MYH9: variants seen among roughly 807,000 people sequenced by gnomAD.
MYH9 encodes myosin heavy chain 9, also known as myosin-9.
MYH9 carries 29 observed loss-of-function variants against 241.9 expected under a neutral mutation model. That is an observed-to-expected ratio of 0.12 (90% CI 0.09 to 0.16). The LOEUF (loss-of-function observed/expected upper bound fraction) is 0.16, where lower values mean the gene tolerates loss of function less well. Among genes scored for constraint, MYH9 ranks in the 10% least tolerant of loss-of-function variants. The probability of loss-of-function intolerance (pLI) is 1.00; values close to 1 mark genes in which losing one functional copy is unlikely to be tolerated. For synonymous variants in MYH9, 1,047 were observed against 1,062.6 expected, an observed-to-expected ratio of 0.99 and a Z score of 0.29; for missense variants, 1,803 against 2,595.5, an observed-to-expected ratio of 0.69 and a Z score of 6.63.
chr22:36,292,202 A>G lies in MYH9; in HGVS notation c.4128T>C (p.Ser1376=), dbSNP rs199506931. Residue 1376 remains serine, a synonymous_variant, in exon 31 of 41, where the codon AGT becomes AGC. Transcript: ENST00000216181. ...VADMKKKMED[S]VGCLETAEEV... is the part of the protein sequence containing the mutation. ...CCTCAGCAGTTTCCAGGCACCCCAC[A>G]CTGTCCTCCATCTTCTTTTTCATGT... 38 of 1,613,798 alleles carry G rather than the reference A, an allele frequency of 2.4e-5. 1 individual carries two copies. In the Admixed American group the frequency reaches 3.3e-4, roughly 14 times the overall value.
intron 12 of MYH9, among the ~76,000 whole-genome samples, chr22:36,316,091 G>A (rs2017146108): frequency 6.8e-6 from 1 of 147,402 alleles, no homozygotes; most frequent in Non-Finnish European, 1.5e-5. Context: ...AGGCTGGAGT[G>A]CAATGGCGTG....
At chr22:36,292,868 G>C (rs1279452576) in intron 30 of MYH9, among the ~76,000 whole-genome samples, 1 of 152,240 alleles carries the variant, frequency 6.6e-6, no homozygotes, top group Admixed American at 6.5e-5. Context: ...GAAAAATGCA[G>C]TTGTCACACA....
At chr22:36,286,382 C>T (rs932272871) in intron 35 of MYH9, among the ~76,000 whole-genome samples, 2 of 152,150 alleles carry the variant, frequency 1.3e-5, no homozygotes, top group Non-Finnish European at 2.9e-5. Context: ...ACCTGGGAAA[C>T]ACTTCAGGAC....
In MYH9 at chr22:36,312,303, T is replaced by C. The variant is rs141146532; in HGVS notation, c.1555-81A>G. On this transcript the variant is annotated intron_variant, in intron 13 of 40. Coordinates refer to ENST00000216181, the MANE Select transcript of MYH9 (RefSeq NM_002473.6). ...CCTTCAAGAAGCCAAAGCCCGGACA[T>C]CAGAATCCCCTGAATCCCACAGACG... 1.7e-5 allele frequency: 24 copies of C among 1,439,546 alleles called. No homozygotes were observed. The Admixed American group carries it at 2.3e-4, about 14-fold the overall frequency. 89.2% of individuals were successfully genotyped at this position (1,439,546 alleles called of 1,614,324 possible).
chr22:36,334,351 T>A (rs1297384062), intron 3 of MYH9, among the ~76,000 whole-genome samples: 1 of 152,200 alleles, frequency 6.6e-6, no homozygotes. Context: ...CCACAGCACC[T>A]GTCTGGTCCA....
chr22:36,284,054 A>C (rs1330269769), intron 40 of MYH9, 39 bp downstream of exon 40: 2 of 1,466,158 alleles, frequency 1.4e-6, no homozygotes, highest in African/African-American at 1.5e-5. Context: ...TTTTGAGAGA[A>C]GTGCCGAGGC....
Position 36,330,823 on chromosome 22 carries a change from C to T in MYH9, c.491-3335G>A, listed in dbSNP as rs1427796527. Among the ~76,000 whole-genome samples the T allele has an allele frequency of 1.3e-5, 2 of 151,956 alleles. No individual in the cohort carries two copies. Among genetic ancestry groups the T allele is most frequent in the East Asian group, 1.9e-4 (1 of 5,172 alleles). Reference sequence around the variant, plus strand: ...TTCCTTCCTCTAAACGGGAGGAGGCCGCCAGGGACAAGCCTCTTCTGGGAC... The same window carrying T: ...TTCCTTCCTCTAAACGGGAGGAGGCTGCCAGGGACAAGCCTCTTCTGGGAC... On this transcript the variant is annotated intron_variant, in intron 3 of 40. Transcript: ENST00000216181. This position sits in a 1 kb window ranked among gnomAD's most constrained non-coding sequence, Gnocchi z 4.5.
chr22:36,372,333 T>C (rs1290939118), intron 1 of MYH9, among the ~76,000 whole-genome samples: 1 of 151,518 alleles, frequency 6.6e-6, no homozygotes, highest in East Asian at 1.9e-4. Flanking sequence ...ACCAAAACAT[T>C]TTAAAATCAG....
intron 1 of MYH9, among the ~76,000 whole-genome samples, chr22:36,350,477 T>C (rs374717461): frequency 6.6e-6 from 1 of 152,252 alleles, no homozygotes; most frequent in South Asian, 2.1e-4. Flanking sequence ...GCGGGGGTTG[T>C]GGTGAGCCGA....
chr22:36,334,137 C>T (rs1267909828), intron 3 of MYH9, among the ~76,000 whole-genome samples: 4 of 152,066 alleles, frequency 2.6e-5, no homozygotes, highest in East Asian at 1.9e-4. Flanking sequence ...GAAAAGGGCC[C>T]GTTAACTGCA....
chr22:36,284,843 T>A (rs1267783453), intron 38 of MYH9, among the ~76,000 whole-genome samples: 1 of 152,138 alleles, frequency 6.6e-6, no homozygotes, highest in Non-Finnish European at 1.5e-5. Flanking sequence ...ACTGTCCTAG[T>A]GGGCAGGACC....
chr22:36,321,922 C>T (rs948824806), intron 6 of MYH9, 101 bp from the exon 7 acceptor site: 1 of 1,076,250 alleles, frequency 9.3e-7, no homozygotes, highest in Non-Finnish European at 1.4e-6. Flanking sequence ...CCGGTGGGCA[C>T]AGCTTGGAGG....
intron 14 of MYH9, among the ~76,000 whole-genome samples, chr22:36,310,218 C>T (rs990426880): frequency 6.7e-5 from 10 of 150,052 alleles, no homozygotes; most frequent in Admixed American, 4.7e-4. Flanking sequence ...TGCAGTGAGC[C>T]GAGATCGTGC....
intron 3 of MYH9, among the ~76,000 whole-genome samples, chr22:36,333,013 C>A (rs1011301225): frequency 1.3e-5 from 2 of 152,072 alleles, no homozygotes; most frequent in East Asian, 1.9e-4. Context: ...ATTTCCCTTG[C>A]GAAAAGGAAA....
intron 1 of MYH9, among the ~76,000 whole-genome samples, chr22:36,375,303 C>A (rs1197945018): frequency 6.6e-6 from 1 of 152,228 alleles, no homozygotes; most frequent in Admixed American, 6.5e-5. Flanking sequence ...TGGATTCACG[C>A]TGGGGCCAGG....
At chr22:36,373,044 ACT>A (rs2018112795) in intron 1 of MYH9, among the ~76,000 whole-genome samples, 2 of 151,668 alleles carry the variant, frequency 1.3e-5, no homozygotes, top group South Asian at 2.1e-4. Context: ...ACCCCCAAAT[ACT>A]CTCTCTTTAC....
At chr22:36,357,695 A>T (rs1407785225) in intron 1 of MYH9, among the ~76,000 whole-genome samples, 1 of 152,170 alleles carries the variant, frequency 6.6e-6, no homozygotes, top group Non-Finnish European at 1.5e-5. Flanking sequence ...TGCACGGGCC[A>T]AATCTCCTTA....
intron 3 of MYH9, among the ~76,000 whole-genome samples, chr22:36,337,427 G>A (rs140806352): frequency 2.0e-5 from 3 of 152,320 alleles, no homozygotes; most frequent in Middle Eastern, 3.4e-3. Context: ...GTGAAAGAGA[G>A]TGCTATTAAT....
At chr22:36,338,650 T>C (rs1185342857) in intron 3 of MYH9, among the ~76,000 whole-genome samples, 1 of 151,824 alleles carries the variant, frequency 6.6e-6, no homozygotes, top group Non-Finnish European at 1.5e-5. Context: ...AAACCCCGTC[T>C]CTACTAAAAA....
Sources: gnomAD v4.1 joint callset for allele counts (sites outside exome capture counted in the v4.1 genomes callset) on GRCh38, gnomAD v4.1.1 for gene constraint, Gnocchi (gnomAD v3.1) non-coding constraint, MANE v1.5 for transcripts, NCBI Gene and HGNC (gene_info 2026-07-23, HGNC 2026-07-21) for gene names.